BRWD3: variants seen among roughly 807,000 people sequenced by gnomAD.
The protein encoded by BRWD3 is bromodomain and WD repeat domain containing 3.
A neutral mutation model predicts 149.7 loss-of-function variants in BRWD3; 10 were observed. The observed-to-expected ratio is 0.07, with a 90% confidence interval of 0.04 to 0.11. BRWD3 has a LOEUF of 0.11. Ranked by LOEUF, BRWD3 falls within the 10% of genes least tolerant of loss-of-function variation. BRWD3 has a pLI of 1.00. For missense variants in BRWD3, 940 were observed against 1,373.2 expected, an observed-to-expected ratio of 0.68 and a Z score of 4.99; for synonymous variants, 504 against 456.7, an observed-to-expected ratio of 1.10 and a Z score of -1.32.
At position 80,726,310 on chromosome X, in the gene BRWD3, G is replaced by A. The variant is rs773232550; in HGVS notation, c.1387-1243C>T. ...AACATATAACACGTTTACATGTTAT[G>A]TCTGTATAACATATAACATGTTTAC... On this transcript the variant is annotated intron_variant, in intron 14 of 40. Coordinates refer to ENST00000373275, the MANE Select transcript of BRWD3 (RefSeq NM_153252.5). Among the ~76,000 whole-genome samples the A allele has an allele frequency of 1.8e-3, 178 of 101,588 alleles. 3 individuals are homozygous for A. The highest frequency in any genetic ancestry group is 5.8e-3 in the African/African-American group (165 of 28,458). 88.2% of individuals were successfully genotyped at this position (101,588 alleles called of 115,157 possible). A position where few individuals can be genotyped will look rare whatever the true frequency, so the allele number is the denominator to read the frequency against.
At chrX:80,749,501 T>C (rs1212735436) in intron 6 of BRWD3, among the ~76,000 whole-genome samples, 1 of 111,714 alleles carries the variant, frequency 9.0e-6, no homozygotes, top group Non-Finnish European at 1.9e-5. Context: ...TAAAGAAAAC[T>C]ACTCCTGTTC....
chrX:80,798,902 G>A (rs961825341), intron 4 of BRWD3, among the ~76,000 whole-genome samples: 1 of 112,097 alleles, frequency 8.9e-6, no homozygotes, highest in Non-Finnish European at 1.9e-5. Context: ...ACACCTTACA[G>A]AAGAGAAAAC....
At chrX:80,678,247 G>A (rs779860829) in intron 40 of BRWD3, among the ~76,000 whole-genome samples, 5 of 111,832 alleles carry the variant, frequency 4.5e-5, no homozygotes, top group Non-Finnish European at 9.4e-5. Context: ...TCCTTCTAGA[G>A]AAACCTTTAA....
intron 6 of BRWD3, among the ~76,000 whole-genome samples, chrX:80,766,535 A>C (rs1232502136): frequency 8.9e-6 from 1 of 112,144 alleles, no homozygotes; most frequent in African/African-American, 3.2e-5. Context: ...AAACTTTGAC[A>C]ACACCAAATG....
intron 20 of BRWD3, among the ~76,000 whole-genome samples, chrX:80,713,500 C>G (rs6616698): frequency 3.3e-3 from 360 of 109,199 alleles, no homozygotes; most frequent in African/African-American, 5.2e-3. Context: ...CAGCATGCTC[C>G]TTAAGAGTCA....
intron 28 of BRWD3, 88 bp from the exon 29 acceptor site, chrX:80,692,238 G>A (rs2072623188): frequency 1.1e-6 from 1 of 874,326 alleles, no homozygotes; most frequent in Non-Finnish European, 1.7e-6. Context: ...CTTCTTGGGG[G>A]TGAAATTTGA....
chrX:80,708,075 G>A (rs1016183998), intron 21 of BRWD3, among the ~76,000 whole-genome samples: 1 of 111,927 alleles, frequency 8.9e-6, no homozygotes, highest in Admixed American at 9.5e-5. Flanking sequence ...AAGTACAACC[G>A]CAATGCTGTT....
intron 21 of BRWD3, 94 bp from the exon 22 acceptor site, chrX:80,707,597 G>T: frequency 1.2e-5 from 10 of 829,178 alleles, no homozygotes; most frequent in Non-Finnish European, 1.6e-5. Context: ...GCATTTTTTT[G>T]AATTCTGCCC....
At position 80,707,496 on chromosome X, in the gene BRWD3, T is replaced by G. The variant is rs1348340980; in HGVS notation, c.2483A>C (p.Glu828Ala). 1 of 1,208,790 alleles carries G rather than the reference T, an allele frequency of 8.3e-7. No individual in the cohort carries two copies. The highest frequency in any genetic ancestry group is 3.0e-5 in the East Asian group (1 of 33,757). ...EDSDSSSEED[E>A]TVGTSDASVE... ...CGAAGCGTCACTTGTGCCAACAGTT[T>G]CATCTTCCTACAACAAAGAGCCAGC... Residue 828 changes from glutamate to alanine, a missense_variant, in exon 22 of 41, where the codon GAA becomes GCA. Physicochemically the swap from Glu to Ala is moderately radical, Grantham distance 107. This residue lies in a region of BRWD3 where 158 missense variants were observed against 284.0 expected (regional missense o/e 0.56). Coordinates refer to ENST00000373275, the MANE Select transcript of BRWD3 (RefSeq NM_153252.5).
intron 6 of BRWD3, among the ~76,000 whole-genome samples, chrX:80,753,037 A>G (rs1473418441): frequency 3.6e-5 from 4 of 111,343 alleles, no homozygotes; most frequent in African/African-American, 1.3e-4. Context: ...GTCTTTAACC[A>G]CTTGTTAATG....
intron 6 of BRWD3, among the ~76,000 whole-genome samples, chrX:80,774,157 C>T (rs1485965571): frequency 8.9e-6 from 1 of 111,971 alleles, no homozygotes; most frequent in Non-Finnish European, 1.9e-5. Flanking sequence ...ATTCCCCCTG[C>T]CTCTCTATAC....
chrX:80,732,106 C>T (rs1341240617), intron 12 of BRWD3, among the ~76,000 whole-genome samples: 1 of 110,580 alleles, frequency 9.0e-6, no homozygotes, highest in African/African-American at 3.3e-5. Context: ...TTTCAGGCTA[C>T]GTGTATAAGG....
chrX:80,720,150 G>A (rs965012260), intron 17 of BRWD3, among the ~76,000 whole-genome samples: 2 of 111,719 alleles, frequency 1.8e-5, no homozygotes, highest in Non-Finnish European at 3.8e-5. Flanking sequence ...ACTGTTTTAT[G>A]TATGCACTAT....
chrX:80,692,871 G>A, intron 28 of BRWD3, 69 bp downstream of exon 28: 1 of 835,266 alleles, frequency 1.2e-6, no homozygotes, highest in Non-Finnish European at 1.8e-6. Context: ...TACTCCTGAT[G>A]GAGGCTATTA....
At chrX:80,712,911 G>A (rs1410664157) in intron 20 of BRWD3, among the ~76,000 whole-genome samples, 3 of 94,133 alleles carry the variant, frequency 3.2e-5, no homozygotes, top group South Asian at 5.4e-4. Flanking sequence ...CCCTCCGCCC[G>A]GCAGCCGCCC....
chrX:80,803,188 C>T (rs1365503728), intron 4 of BRWD3, among the ~76,000 whole-genome samples: 4 of 109,992 alleles, frequency 3.6e-5, no homozygotes, highest in Admixed American at 9.7e-5. Context: ...TTTTAGAATA[C>T]CATTTTGCTG....
chrX:80,769,448 C>A (rs1271698886), intron 6 of BRWD3, among the ~76,000 whole-genome samples: 4 of 111,630 alleles, frequency 3.6e-5, no homozygotes, highest in Non-Finnish European at 7.5e-5. Context: ...TCACTCAAAA[C>A]CACAAAACTA....
intron 4 of BRWD3, among the ~76,000 whole-genome samples, chrX:80,802,462 A>T (rs1007342523): frequency 1.9e-5 from 2 of 107,090 alleles, no homozygotes; most frequent in African/African-American, 3.4e-5. Flanking sequence ...AAAAAAAAAA[A>T]AAAAAATTAA....
rs1162305912 is a variant in BRWD3 at position 80,809,734 on chromosome X, AGAAG to A, written c.-267_-264del. 0.018 allele frequency: 2,526 copies of A among 139,813 alleles called. No homozygotes were observed. The highest frequency in any genetic ancestry group is 0.023 in the Non-Finnish European group (1,670 of 71,606). The allele number at this position is 139,813 out of a possible 1,213,427, so 11.5% of individuals were successfully genotyped here. ...GAGTGAGTGAGTGAGAGAGAGAGAG[AGAAG>A]AGAGAGAGAGAGAGAGGAAAAAGAG... On this transcript the variant is annotated 5_prime_UTR_variant, in exon 1 of 41. Transcript: ENST00000373275.
Sources: allele counts gnomAD v4.1 joint callset (sites outside exome capture counted in the v4.1 genomes callset), GRCh38; gene constraint gnomAD v4.1.1; regional missense constraint gnomAD v4.1.1; transcripts MANE v1.5; gene names NCBI Gene and HGNC (gene_info 2026-07-23, HGNC 2026-07-21).